PCDHA12: variants seen among roughly 807,000 people sequenced by gnomAD.
The protein encoded by PCDHA12 is protocadherin alpha 12.
Under a neutral mutation model 60.0 loss-of-function variants are expected in PCDHA12, and 44 were observed. The observed-to-expected ratio is 0.73, with a 90% confidence interval of 0.58 to 0.94. The LOEUF (loss-of-function observed/expected upper bound fraction) is 0.94. Ranked by LOEUF, PCDHA12 falls within the 40% of genes least tolerant of loss-of-function variation. The pLI is 0.00. For synonymous variants in PCDHA12, 569 were observed against 553.0 expected (o/e 1.03, Z -0.40); for missense variants, 1,276 against 1,239.7 (o/e 1.03, Z -0.44).
At chr5:140,884,258 A>G (rs782780491) in intron 1 of PCDHA12, 1 of 1,613,390 alleles carries the variant, frequency 6.2e-7, no homozygotes, top group South Asian at 1.1e-5. Flanking sequence ...GGCCACGGCA[A>G]CGGTGCTGTT....
At chr5:140,937,370 TTATG>T (rs2091504322) in intron 1 of PCDHA12, among the ~76,000 whole-genome samples, 1 of 152,120 alleles carries the variant, frequency 6.6e-6, no homozygotes, top group South Asian at 2.1e-4. Flanking sequence ...ATCTTAATGT[TTATG>T]TGTGTGTATG....
At chr5:140,883,630 G>T (rs1424400219) in intron 1 of PCDHA12, 8 of 1,613,966 alleles carry the variant, frequency 5.0e-6, no homozygotes, top group Non-Finnish European at 6.8e-6. Context: ...ACGCGCCGGC[G>T]TTCGCGCAGC....
intron 1 of PCDHA12, among the ~76,000 whole-genome samples, chr5:140,902,916 A>G (rs940228069): frequency 2.0e-5 from 3 of 152,174 alleles, no homozygotes; most frequent in African/African-American, 4.8e-5. Context: ...GCTGAGTAGT[A>G]TTGCATGGTG....
chr5:140,930,822 G>A (rs1338942917), intron 1 of PCDHA12, among the ~76,000 whole-genome samples: 2 of 152,140 alleles, frequency 1.3e-5, no homozygotes, highest in Non-Finnish European at 2.9e-5. Context: ...CTTAGTAAAT[G>A]CTGACTGAAT....
intron 1 of PCDHA12, among the ~76,000 whole-genome samples, chr5:140,930,604 G>C (rs2086982661): frequency 6.6e-6 from 1 of 152,108 alleles, no homozygotes; most frequent in South Asian, 2.1e-4. Flanking sequence ...AGAAATCCTA[G>C]ATGCAAGAGA....
At chr5:140,883,507 G>A (rs782325165) in intron 1 of PCDHA12, 2 of 1,614,200 alleles carry the variant, frequency 1.2e-6, no homozygotes, top group Admixed American at 1.7e-5. Context: ...ACAGCGCCCT[G>A]GACCGCGAGA....
rs570631397 is a variant in PCDHA12, at chr5:140,879,658, A to G, written c.2367+1819A>G. Among the ~76,000 whole-genome samples the G allele has an allele frequency of 1.1e-4, 16 of 152,350 alleles. No homozygotes were observed. The South Asian group carries it at 3.1e-3, about 30-fold the overall frequency. ...TCGCTTCCTGTGGCTGCTATAACAA[A>G]CGAACACAAACTGGGTGCTGTAAAA... On this transcript the variant is annotated intron_variant, in intron 1 of 3. Transcript: ENST00000398631.
Position 140,876,418 on chromosome 5 carries a change from T to G in PCDHA12, c.946T>G (p.Tyr316Asp). The change falls in exon 1 of 4, where the codon TAT becomes GAT. Residue 316 changes from tyrosine to aspartate, a missense_variant. Physicochemically the swap from Tyr to Asp is radical, Grantham distance 160. Coordinates refer to ENST00000398631, the MANE Select transcript of PCDHA12 (RefSeq NM_018903.4). ...GELDFEENNA[Y>D]EIQVNAIDKG... Reference sequence around the variant, plus strand: ...ACTGGATTTTGAAGAGAATAATGCCTATGAAATTCAGGTTAACGCCATTGA... The same window carrying G: ...ACTGGATTTTGAAGAGAATAATGCCGATGAAATTCAGGTTAACGCCATTGA... The G allele has an allele frequency of 6.2e-7, 1 of 1,613,982 alleles. No homozygotes were observed. Among genetic ancestry groups the G allele is most frequent in the African/African-American group, 1.3e-5 (1 of 75,056 alleles).
chr5:141,005,797 A>G (rs1444669955), intron 3 of PCDHA12, among the ~76,000 whole-genome samples: 2 of 150,756 alleles, frequency 1.3e-5, no homozygotes, highest in East Asian at 1.9e-4. Context: ...GGCAAAAACA[A>G]CTCCAAGGAG....
intron 1 of PCDHA12, among the ~76,000 whole-genome samples, chr5:140,921,041 G>A (rs902181810): frequency 1.3e-5 from 2 of 151,820 alleles, no homozygotes; most frequent in Non-Finnish European, 2.9e-5. Flanking sequence ...GTGCAGTGGG[G>A]CAATCATAGC....
chr5:140,999,215 C>A (rs1290752092), intron 3 of PCDHA12, among the ~76,000 whole-genome samples: 1 of 152,140 alleles, frequency 6.6e-6, no homozygotes, highest in East Asian at 1.9e-4. Context: ...TCTGGAAGTA[C>A]TACATTTGAG....
chr5:141,010,327 G>A lies in PCDHA12; in HGVS notation c.*390G>A. 2 of 1,539,744 alleles carry A rather than the reference G, an allele frequency of 1.3e-6. No individual in the cohort carries two copies. Among genetic ancestry groups the A allele is most frequent in the African/African-American group, 2.8e-5 (2 of 72,602 alleles). ...AAAGTTTTGAGATTGAGCAGCTTGG[G>A]AGTTTGTGGCCACTGGGTATGTGTG... On this transcript the variant is annotated 3_prime_UTR_variant, in exon 4 of 4. Transcript: ENST00000398631.
Position 140,966,822 on chromosome 5 carries a change from C to A in PCDHA12, c.2368-12127C>A, listed in dbSNP as rs1329460642. 9 of 1,558,948 alleles carry A rather than the reference C, an allele frequency of 5.8e-6. No individual in the cohort carries two copies. In the Admixed American group the frequency reaches 7.5e-5, roughly 13 times the overall value. On this transcript the variant is annotated intron_variant, in intron 1 of 3. Transcript: ENST00000398631. ...ACAGAGCATCCACGGCTCCGGCGGC[C>A]CATGCCCTGGCTGCTGCTACTGCCT... is the stretch of plus-strand genomic sequence containing the variant.
rs1310141347 is a variant in PCDHA12, at chr5:140,970,963, T to C, written c.2368-7986T>C. ...TGCTGAGAAACCATGGGAGGCAGAT[T>C]GTAGATTAAGAAAAATGGGGGAATA... On this transcript the variant is annotated intron_variant, in intron 1 of 3. Coordinates refer to ENST00000398631, the MANE Select transcript of PCDHA12 (RefSeq NM_018903.4). Among the ~76,000 whole-genome samples, 41 of 152,180 alleles carry C rather than the reference T, an allele frequency of 2.7e-4. 1 individual carries two copies. Among genetic ancestry groups the C allele is most frequent in the Admixed American group, 2.7e-3 (41 of 15,274 alleles).
chr5:140,953,099 G>A lies in PCDHA12; in HGVS notation c.2368-25850G>A, dbSNP rs1554220803. On this transcript the variant is annotated intron_variant, in intron 1 of 3. Transcript: ENST00000398631. ...CATTGGGGATTACAATTTGACATGA[G>A]ATTTGGGCAGGGACACAGATCTAAA... Among the ~76,000 whole-genome samples, 7 of 152,256 alleles carry A rather than the reference G, an allele frequency of 4.6e-5. 1 individual carries two copies. Among genetic ancestry groups the A allele is most frequent in the South Asian group, 2.1e-4 (1 of 4,828 alleles).
At chr5:140,987,444 C>G (rs2097254283) in intron 3 of PCDHA12, among the ~76,000 whole-genome samples, 1 of 151,998 alleles carries the variant, frequency 6.6e-6, no homozygotes, top group African/African-American at 2.4e-5. Flanking sequence ...TCCCCATGCC[C>G]GAGAGATAAT....
intron 3 of PCDHA12, among the ~76,000 whole-genome samples, chr5:141,003,770 T>A (rs1365152633): frequency 6.6e-6 from 1 of 152,246 alleles, no homozygotes; most frequent in East Asian, 1.9e-4. Flanking sequence ...TCGTATTCTG[T>A]TAAATAAACT....
chr5:140,978,044 G>A (rs1205342779), intron 1 of PCDHA12, among the ~76,000 whole-genome samples: 1 of 152,140 alleles, frequency 6.6e-6, no homozygotes, highest in Non-Finnish European at 1.5e-5. Flanking sequence ...GACAGTGATG[G>A]TGACTGATGA....
chr5:140,879,889 C>T (rs897508016), intron 1 of PCDHA12, among the ~76,000 whole-genome samples: 3 of 152,200 alleles, frequency 2.0e-5, no homozygotes, highest in Non-Finnish European at 4.4e-5. Context: ...GCCTCCTCCT[C>T]TCCATGTCTC....
Sources: allele counts gnomAD v4.1 joint callset (sites outside exome capture counted in the v4.1 genomes callset), GRCh38; gene constraint gnomAD v4.1.1; transcripts MANE v1.5; gene names NCBI Gene and HGNC (gene_info 2026-07-23, HGNC 2026-07-21).